The following COLEC10 variants were observed in gnomAD, a reference collection of about 807,000 sequenced individuals.
COLEC10 encodes the protein collectin subfamily member 10, also known as collectin-10.
Under a neutral mutation model 28.4 loss-of-function variants are expected in COLEC10, and 22 were observed. The ratio of observed to expected loss-of-function variants is 0.78; its 90% CI spans 0.55 to 1.11. COLEC10 has a LOEUF of 1.11. COLEC10 is among the 50% of genes least tolerant of loss of function. The probability of loss-of-function intolerance (pLI) is 0.00; values close to 1 mark genes in which losing one functional copy is unlikely to be tolerated. For synonymous variants in COLEC10, 125 were observed against 116.1 expected, an observed-to-expected ratio of 1.08 and a Z score of -0.49; for missense variants, 361 against 344.1, an observed-to-expected ratio of 1.05 and a Z score of -0.39.
At position 119,039,956 on chromosome 8, in the gene COLEC10, G is replaced by T. The variant is rs150720031; in HGVS notation, n.235+30403G>T. On this transcript the variant is annotated intron_variant and non_coding_transcript_variant, in intron 2 of 6. Coordinates refer to the COLEC10 transcript ENST00000521788. ...CCACCTGAATTCTTAATTTCCCTTGGGTGTGTAATCTAACATAGTGACAAG... is the reference window on the plus strand; with the variant it reads ...CCACCTGAATTCTTAATTTCCCTTGTGTGTGTAATCTAACATAGTGACAAG... 5.0e-3 allele frequency among the ~76,000 whole-genome samples: 761 copies of T among 152,136 alleles called. 10 individuals carry two copies. Among genetic ancestry groups the T allele is most frequent in the African/African-American group, 0.018 (730 of 41,504 alleles).
At chr8:118,985,072 G>T in the COLEC10 span, among the ~76,000 whole-genome samples, 5 of 147,036 alleles carry the variant, frequency 3.4e-5, no homozygotes, top group Admixed American at 6.6e-5. Flanking sequence ...GATTTGGGGT[G>T]GGGGGGACAC....
Position 119,097,014 on chromosome 8 carries a change from G to GA in COLEC10, c.293-5327dup, listed in dbSNP as rs981316226. Among the ~76,000 whole-genome samples, 9 of 151,946 alleles carry GA rather than the reference G, an allele frequency of 5.9e-5. No homozygotes were observed. In the South Asian group the frequency reaches 1.9e-3, roughly 31 times the overall value. ...AGTATTGGGGAAAATATTCTATACA[G>GA]AAAAAAACTATATGCCAAATGGTTC... On this transcript the variant is annotated intron_variant, in intron 3 of 5. Transcript: ENST00000332843.
intron 1 of COLEC10, among the ~76,000 whole-genome samples, chr8:119,072,170 C>T (rs1815137174): frequency 6.6e-6 from 1 of 152,136 alleles, no homozygotes; most frequent in South Asian, 2.1e-4. Context: ...CACATGTGGT[C>T]TGTGATCAAA....
At chr8:119,092,613 A>G (rs1460801950) in intron 3 of COLEC10, among the ~76,000 whole-genome samples, 1 of 152,152 alleles carries the variant, frequency 6.6e-6, no homozygotes, top group Non-Finnish European at 1.5e-5. Flanking sequence ...ACTTTCTTAA[A>G]AAGAATTAGA....
chr8:119,044,982 CTA>C (rs977908434), intron 2 of COLEC10, among the ~76,000 whole-genome samples: 1 of 152,192 alleles, frequency 6.6e-6, no homozygotes, highest in Non-Finnish European at 1.5e-5. Context: ...ATGAATTAGA[CTA>C]TCTCTTTCTT....
chr8:118,987,977 T>A, the COLEC10 span, among the ~76,000 whole-genome samples: 7 of 152,146 alleles, frequency 4.6e-5, no homozygotes, highest in African/African-American at 1.7e-4. Flanking sequence ...AATCAACGCA[T>A]GTTTGGTTCT....
intron 4 of COLEC10, 111 bp downstream of exon 4, chr8:119,102,512 CT>C: frequency 1.1e-6 from 1 of 880,290 alleles, no homozygotes; most frequent in African/African-American, 1.7e-5. Context: ...TATGCTTAAC[CT>C]TATTTTCCTC....
upstream of COLEC10, among the ~76,000 whole-genome samples, chr8:118,994,003 G>A (rs534316944): frequency 1.3e-5 from 2 of 152,272 alleles, no homozygotes; most frequent in East Asian, 3.9e-4. Context: ...CCAGTGTCAG[G>A]TGATCATCAT....
Position 119,067,406 on chromosome 8 carries a change from AC to A in COLEC10, c.126del (p.His42GlnfsTer101). On this transcript the variant is annotated frameshift_variant, in exon 1 of 6. Coordinates refer to ENST00000332843, the MANE Select transcript of COLEC10 (RefSeq NM_006438.5). LOFTEE classifies it high-confidence loss of function. ...SRPTAEVCAT[H>X]TISPGPKGDD... is the part of the protein sequence containing the mutation. Reference sequence around the variant, plus strand: ...CCTACCGCTGAAGTCTGTGCCACACACACAATTTCACCAGGACCCAAAGGTG... The same window carrying A: ...CCTACCGCTGAAGTCTGTGCCACACAACAATTTCACCAGGACCCAAAGGTG... 6.2e-7 allele frequency: 1 copy of A among 1,613,912 alleles called. No individual in the cohort carries two copies. Among genetic ancestry groups the A allele is most frequent in the Non-Finnish European group, 8.5e-7 (1 of 1,179,902 alleles).
the COLEC10 span, among the ~76,000 whole-genome samples, chr8:118,987,944 C>A: frequency 6.6e-6 from 1 of 152,070 alleles, no homozygotes; most frequent in South Asian, 2.1e-4. Context: ...GTCCTTAGAA[C>A]AATAAAAGCT....
intron 2 of COLEC10, among the ~76,000 whole-genome samples, chr8:119,018,999 GA>G (rs1175219705): frequency 6.6e-6 from 1 of 152,054 alleles, no homozygotes; most frequent in Non-Finnish European, 1.5e-5. Context: ...GATTTTGTTT[GA>G]AAAAGCTATA....
chr8:119,016,794 G>T (rs574328802), intron 2 of COLEC10, among the ~76,000 whole-genome samples: 1 of 152,254 alleles, frequency 6.6e-6, no homozygotes, highest in South Asian at 2.1e-4. Flanking sequence ...TCAGCTCACT[G>T]CAACTGCCGC....
chr8:119,030,932 C>T (rs540338182), intron 2 of COLEC10, among the ~76,000 whole-genome samples: 18 of 152,274 alleles, frequency 1.2e-4, no homozygotes, highest in African/African-American at 4.3e-4. Context: ...GAGGGATAGA[C>T]ATTATCTAAC....
chr8:118,962,517 G>A, the COLEC10 span, among the ~76,000 whole-genome samples: 3 of 152,116 alleles, frequency 2.0e-5, no homozygotes, highest in Non-Finnish European at 4.4e-5. Context: ...GGACATATGT[G>A]AACACCTGTG....
At position 119,107,425 on chromosome 8, in the gene COLEC10, A is replaced by T. The variant is rs554446866; in HGVS notation, c.*1234A>T. On this transcript the variant is annotated 3_prime_UTR_variant, in exon 6 of 6. Coordinates refer to ENST00000332843, the MANE Select transcript of COLEC10 (RefSeq NM_006438.5). ...GAATTTAAAAATAAACAGTTCAAAG[A>T]TACTCTAGATTATCACCCTATAAAC... Among the ~76,000 whole-genome samples the T allele has an allele frequency of 6.6e-6, 1 of 152,320 alleles. No individual in the cohort carries two copies. The highest frequency in any genetic ancestry group is 6.5e-5 in the Admixed American group (1 of 15,296).
chr8:119,006,241 A>G, intron 1 of COLEC10, among the ~76,000 whole-genome samples: 1 of 152,114 alleles, frequency 6.6e-6, no homozygotes, highest in South Asian at 2.1e-4. Flanking sequence ...GTGTGAGAAT[A>G]GGAAGTATTG....
chr8:118,976,437 GAAA>G, the COLEC10 span: 2 of 152,100 alleles, frequency 1.3e-5, no homozygotes, highest in East Asian at 3.9e-4. Context: ...GACAGCCAGA[GAAA>G]TTGTAATGTG....
chr8:119,081,385 T>C (rs1032414608), intron 1 of COLEC10, among the ~76,000 whole-genome samples: 2 of 152,172 alleles, frequency 1.3e-5, no homozygotes, highest in Admixed American at 1.3e-4. Context: ...GCAAATCAAT[T>C]TTCAAAAGCT....
chr8:119,038,284 T>G (rs1470036174), intron 2 of COLEC10, among the ~76,000 whole-genome samples: 1 of 152,234 alleles, frequency 6.6e-6, no homozygotes, highest in East Asian at 1.9e-4. Context: ...TGGGATTATA[T>G]ACACAGTAAA....
Sources: gnomAD v4.1 joint callset for allele counts (sites outside exome capture counted in the v4.1 genomes callset) on GRCh38, gnomAD v4.1.1 for gene constraint, MANE v1.5 for transcripts, NCBI Gene and HGNC (gene_info 2026-07-23, HGNC 2026-07-21) for gene names.